The following SLC14A2 variants were observed in gnomAD, a reference collection of about 807,000 sequenced individuals.
The protein encoded by SLC14A2 is solute carrier family 14 member 2, also known as urea transporter 2.
SLC14A2 carries 91 observed loss-of-function variants against 104.6 expected under a neutral mutation model. That is an observed-to-expected ratio of 0.87 (90% CI 0.73 to 1.04). The LOEUF is 1.04. Among genes scored for constraint, SLC14A2 ranks in the 50% least tolerant of loss-of-function variants. The pLI, the probability that SLC14A2 is intolerant of heterozygous loss-of-function variation, is 0.00. For synonymous variants in SLC14A2, 476 were observed against 466.4 expected, an observed-to-expected ratio of 1.02 and a Z score of -0.27; for missense variants, 1,189 against 1,156.0, an observed-to-expected ratio of 1.03 and a Z score of -0.41.
chr18:45,518,883 G>A (rs2043478249), intron 2 of SLC14A2, among the ~76,000 whole-genome samples: 1 of 152,206 alleles, frequency 6.6e-6, no homozygotes, highest in Non-Finnish European at 1.5e-5. Context: ...TTGCACAGGT[G>A]TCAGGGAAAA....
At chr18:45,402,466 G>A (rs1255155364) in intron 1 of SLC14A2, among the ~76,000 whole-genome samples, 1 of 152,180 alleles carries the variant, frequency 6.6e-6, no homozygotes, top group Non-Finnish European at 1.5e-5. Context: ...TTGTTTGCCT[G>A]AAATTAATTG....
intron 2 of SLC14A2, among the ~76,000 whole-genome samples, chr18:45,543,589 T>C (rs895848587): frequency 3.9e-5 from 6 of 152,226 alleles, no homozygotes; most frequent in Non-Finnish European, 2.9e-5. Flanking sequence ...TCTCTGATAT[T>C]TGAAAAGAGC....
At chr18:45,464,867 C>T (rs1598860459) in intron 1 of SLC14A2, among the ~76,000 whole-genome samples, 1 of 152,112 alleles carries the variant, frequency 6.6e-6, no homozygotes, top group Admixed American at 6.5e-5. Flanking sequence ...AGATAATTGC[C>T]GGCAGCAGGA....
intron 2 of SLC14A2, among the ~76,000 whole-genome samples, chr18:45,550,431 T>C (rs1275044716): frequency 6.6e-6 from 1 of 152,196 alleles, no homozygotes; most frequent in Non-Finnish European, 1.5e-5. Flanking sequence ...AATTGCTCCC[T>C]CATCTGAAAT....
chr18:45,231,621 C>A (rs1038008639), intron 1 of SLC14A2, among the ~76,000 whole-genome samples: 1 of 152,228 alleles, frequency 6.6e-6, no homozygotes, highest in Non-Finnish European at 1.5e-5. Flanking sequence ...TCATTAAACA[C>A]TCAAATTATG....
chr18:45,643,991 C>T lies in SLC14A2; in HGVS notation c.1182C>T (p.Gly394=), dbSNP rs150647679. 1.5e-4 allele frequency: 237 copies of T among 1,613,430 alleles called. No homozygotes were observed. The highest frequency in any genetic ancestry group is 2.0e-4 in the Non-Finnish European group (236 of 1,179,600). The change falls in exon 10 of 20, where the codon GGC becomes GGT. Residue 394 remains glycine (G), a synonymous_variant. Coordinates refer to ENST00000255226, the MANE Select transcript of SLC14A2 (RefSeq NM_007163.4). ...AAISNIMSVV[G]VPPGTWAFCL... ...CCCAATGCTTTTGTTTCCAGGTGGG[C>T]GTGCCACCAGGCACCTGGGCCTTCT... is the stretch of plus-strand genomic sequence containing the variant.
At chr18:45,580,326 G>T (rs1323879247) in intron 2 of SLC14A2, among the ~76,000 whole-genome samples, 2 of 152,244 alleles carry the variant, frequency 1.3e-5, no homozygotes, top group African/African-American at 2.4e-5. Context: ...ATCGTCAGCA[G>T]ATCTGTCTTA....
upstream of SLC14A2, among the ~76,000 whole-genome samples, chr18:45,209,602 A>G (rs1352820588): frequency 6.6e-6 from 1 of 152,030 alleles, no homozygotes; most frequent in Non-Finnish European, 1.5e-5. Flanking sequence ...AATGTCTTAA[A>G]GATTATTCTT....
intron 1 of SLC14A2, among the ~76,000 whole-genome samples, chr18:45,441,175 G>A (rs1421194): frequency 0.52 from 79,044 of 151,840 alleles, 20,787 homozygotes; most frequent in Admixed American, 0.65. Context: ...CAATGTTCCA[G>A]CCTCACTGCT....
At chr18:45,628,793 GAGAAAGAA>G (rs150240613) in intron 4 of SLC14A2, among the ~76,000 whole-genome samples, 2 of 152,114 alleles carry the variant, frequency 1.3e-5, no homozygotes, top group Admixed American at 1.3e-4. Context: ...GTGCGTGGGA[GAGAAAGAA>G]AGAAAGAAAG....
chr18:45,491,911 G>T (rs1421117854), intron 2 of SLC14A2, among the ~76,000 whole-genome samples: 2 of 152,186 alleles, frequency 1.3e-5, no homozygotes, highest in African/African-American at 4.8e-5. Context: ...CTAGGAATGG[G>T]GTTTAGAACA....
rs1461485990 is a variant in SLC14A2 at position 45,258,564 on chromosome 18, C to T, written c.-125+45373C>T. On this transcript the variant is annotated intron_variant, in intron 1 of 20. Coordinates refer to the SLC14A2 transcript ENST00000586448. ...AGGTACTTTTGTCTTCTCAACTGAA[C>T]TTTAAGCTTCTTGTAGGCAAGGACC... is the stretch of plus-strand genomic sequence containing the variant. 2.8e-5 allele frequency among the ~76,000 whole-genome samples: 4 copies of T among 143,410 alleles called. 1 individual carries two copies. The highest frequency in any genetic ancestry group is 6.1e-5 in the Non-Finnish European group (4 of 65,826). The allele number at this position is 143,410 out of a possible 152,430, so 94.1% of individuals were successfully genotyped here. A position where few individuals can be genotyped will look rare whatever the true frequency, so the allele number is the denominator to read the frequency against.
intron 1 of SLC14A2, among the ~76,000 whole-genome samples, chr18:45,437,152 A>G (rs1295686312): frequency 1.3e-5 from 2 of 152,094 alleles, no homozygotes; most frequent in Non-Finnish European, 2.9e-5. Context: ...CTTTATTTTC[A>G]TCTTTCCATT....
the SLC14A2 span, among the ~76,000 whole-genome samples, chr18:45,183,147 T>G: frequency 7.2e-5 from 11 of 152,204 alleles, no homozygotes; most frequent in Non-Finnish European, 1.6e-4. Context: ...CTTCCCCCAG[T>G]GCATTCCCAC....
chr18:45,370,305 A>G (rs573594607), intron 1 of SLC14A2, among the ~76,000 whole-genome samples: 10 of 152,174 alleles, frequency 6.6e-5, no homozygotes, highest in South Asian at 2.1e-4. Context: ...AGAATCAGCC[A>G]CAAGGGAAGA....
intron 1 of SLC14A2, among the ~76,000 whole-genome samples, chr18:45,473,610 A>T (rs184044698): frequency 6.6e-6 from 1 of 152,166 alleles, no homozygotes; most frequent in Non-Finnish European, 1.5e-5. Context: ...TGTAAGTTGG[A>T]TTCTTAGATA....
upstream of SLC14A2, among the ~76,000 whole-genome samples, chr18:45,209,040 AAC>A (rs1374235814): frequency 3.2e-5 from 3 of 94,884 alleles, no homozygotes; most frequent in African/African-American, 3.5e-5. Flanking sequence ...AAAAAAAAAA[AAC>A]AACAACAACT....
chr18:45,263,749 G>T (rs1293245018), intron 1 of SLC14A2, among the ~76,000 whole-genome samples: 1 of 152,160 alleles, frequency 6.6e-6, no homozygotes, highest in Non-Finnish European at 1.5e-5. Context: ...GCTCCTTCAG[G>T]TTGGTTTTTC....
At chr18:45,355,258 A>C (rs1240688730) in intron 1 of SLC14A2, among the ~76,000 whole-genome samples, 1 of 152,124 alleles carries the variant, frequency 6.6e-6, no homozygotes, top group African/African-American at 2.4e-5. Flanking sequence ...GCTAATAGAG[A>C]TATATCTCTA....
Sources: gnomAD v4.1 joint callset for allele counts (sites outside exome capture counted in the v4.1 genomes callset) on GRCh38, gnomAD v4.1.1 for gene constraint, MANE v1.5 for transcripts, NCBI Gene and HGNC (gene_info 2026-07-23, HGNC 2026-07-21) for gene names.